CMPK1: variants seen among roughly 807,000 people sequenced by gnomAD.
CMPK1 encodes UMP-CMP kinase.
CMPK1 carries 10 observed loss-of-function variants against 25.7 expected under a neutral mutation model. That is an observed-to-expected ratio of 0.39 (90% CI 0.24 to 0.66). The LOEUF is 0.66. Among genes scored for constraint, CMPK1 ranks in the 30% least tolerant of loss-of-function variants. The pLI is 0.48. For synonymous variants in CMPK1, 106 were observed against 101.5 expected, an observed-to-expected ratio of 1.04 and a Z score of -0.27; for missense variants, 199 against 280.5, an observed-to-expected ratio of 0.71 and a Z score of 2.08.
chr1:47,334,281 G>T (rs1172025732), intron 1 of CMPK1, among the ~76,000 whole-genome samples, 165 bp downstream of exon 1: 2 of 151,746 alleles, frequency 1.3e-5, no homozygotes, highest in African/African-American at 4.8e-5. Flanking sequence ...GCCGGCGCGC[G>T]GCGTGCCGGG....
At chr1:47,375,515 C>T (rs1646702413) in intron 5 of CMPK1, among the ~76,000 whole-genome samples, 1 of 151,712 alleles carries the variant, frequency 6.6e-6, no homozygotes, top group Non-Finnish European at 1.5e-5. Flanking sequence ...AAAGAAGACA[C>T]TGGGGACTAA....
intron 1 of CMPK1, among the ~76,000 whole-genome samples, chr1:47,359,515 G>A (rs1330815630): frequency 6.7e-6 from 1 of 148,736 alleles, no homozygotes; most frequent in Non-Finnish European, 1.5e-5. Context: ...AGCCTCCTGA[G>A]TAGCTGGGAT....
chr1:47,342,858 C>G (rs1300244994), intron 1 of CMPK1, among the ~76,000 whole-genome samples: 1 of 151,604 alleles, frequency 6.6e-6, no homozygotes, highest in East Asian at 1.9e-4. Flanking sequence ...CCATGTTGGC[C>G]AGGTTGGTCT....
Position 47,334,439 on chromosome 1 carries a change from C to T in CMPK1, c.171+323C>T, listed in dbSNP as rs181114398. Among the ~76,000 whole-genome samples the T allele has an allele frequency of 4.7e-3, 714 of 152,322 alleles. 2 individuals carry two copies. The highest frequency in any genetic ancestry group is 8.0e-3 in the Non-Finnish European group (542 of 68,024). ...CCGGAGGCCAACCTTTGGGGGTCCC[C>T]CAGCGCGCAGAGGTTAGCGTGTCGC... On this transcript the variant is annotated intron_variant, in intron 1 of 5. Coordinates refer to ENST00000371873, the MANE Select transcript of CMPK1 (RefSeq NM_016308.3).
chr1:47,375,520 G>A (rs1472474381), intron 5 of CMPK1, among the ~76,000 whole-genome samples: 1 of 152,006 alleles, frequency 6.6e-6, no homozygotes, highest in Non-Finnish European at 1.5e-5. Context: ...AGACACTGGG[G>A]ACTAAATGAA....
chr1:47,353,250 T>A (rs1367891043), intron 1 of CMPK1, among the ~76,000 whole-genome samples: 1 of 152,220 alleles, frequency 6.6e-6, no homozygotes, highest in Non-Finnish European at 1.5e-5. Context: ...GAAATATGTT[T>A]CCTTTTAAAC....
intron 2 of CMPK1, among the ~76,000 whole-genome samples, chr1:47,369,258 G>A (rs1368922218): frequency 6.6e-6 from 1 of 151,840 alleles, no homozygotes; most frequent in Non-Finnish European, 1.5e-5. Flanking sequence ...CTCTCACCTC[G>A]GCCTCCCAAA....
chr1:47,368,052 C>T (rs932452895), intron 1 of CMPK1, among the ~76,000 whole-genome samples: 4 of 152,104 alleles, frequency 2.6e-5, no homozygotes, highest in African/African-American at 7.2e-5. Context: ...CGGGTTCAAG[C>T]GATTCTCCTG....
At position 47,348,804 on chromosome 1, in the gene CMPK1, C is replaced by T. The variant is rs138785127; in HGVS notation, c.171+14688C>T. On this transcript the variant is annotated intron_variant, in intron 1 of 5. Coordinates refer to ENST00000371873, the MANE Select transcript of CMPK1 (RefSeq NM_016308.3). ...GAAAATGTTACATGTTTAATTTAAC[C>T]CACAAGCTTTACCTGTATAATTATG... is the stretch of plus-strand genomic sequence containing the variant. Among the ~76,000 whole-genome samples the T allele has an allele frequency of 6.6e-3, 1,004 of 152,232 alleles. 13 individuals are homozygous for T. Among genetic ancestry groups the T allele is most frequent in the African/African-American group, 0.023 (938 of 41,530 alleles).
At chr1:47,365,260 AC>A (rs1646631078) in intron 1 of CMPK1, among the ~76,000 whole-genome samples, 1 of 132,626 alleles carries the variant, frequency 7.5e-6, no homozygotes, top group Non-Finnish European at 1.6e-5. Context: ...CATCATTTGT[AC>A]CCTGAAGATC....
chr1:47,365,504 T>G (rs1251429978), intron 1 of CMPK1, among the ~76,000 whole-genome samples: 1 of 151,706 alleles, frequency 6.6e-6, no homozygotes, highest in Non-Finnish European at 1.5e-5. Flanking sequence ...TGCAGTGGCA[T>G]GTACCACTAG....
In CMPK1 at chr1:47,369,909, C is replaced by CTCTTT. The variant is rs1485648990; in HGVS notation, c.318+1295_318+1296insCTTTT. 7.8e-4 allele frequency among the ~76,000 whole-genome samples: 73 copies of CTCTTT among 93,690 alleles called. 3 individuals are homozygous for CTCTTT. Among genetic ancestry groups the CTCTTT allele is most frequent in the African/African-American group, 2.3e-3 (56 of 24,100 alleles). The allele number at this position is 93,690 out of a possible 152,430, so 61.5% of individuals were successfully genotyped here. A position where few individuals can be genotyped will look rare whatever the true frequency, so the allele number is the denominator to read the frequency against. On this transcript the variant is annotated intron_variant, in intron 2 of 5. Coordinates refer to ENST00000371873, the MANE Select transcript of CMPK1 (RefSeq NM_016308.3). ...ACCTCTTTCTTTCTTCTTTCTCTCTCTTTTTTTTTTTTTTTTTGGCGGGGA... is the reference window on the plus strand; with the variant it reads ...ACCTCTTTCTTTCTTCTTTCTCTCTCTCTTTTTTTTTTTTTTTTTTTTGGCGGGGA...
At position 47,368,626 on chromosome 1, in the gene CMPK1, T is replaced by A; in HGVS notation, c.318+11T>A. 6.4e-7 allele frequency: 1 copy of A among 1,571,700 alleles called. No homozygotes were observed. Among genetic ancestry groups the A allele is most frequent in the Non-Finnish European group, 8.6e-7 (1 of 1,159,690 alleles). ...AGTTTATTAAAGAGGGTAAGGAGTG[T>A]GAATGCCAACCAGTTCAAACCAGCG... On this transcript the variant is annotated intron_variant, in intron 2 of 5. Coordinates refer to ENST00000371873, the MANE Select transcript of CMPK1 (RefSeq NM_016308.3).
chr1:47,378,476 T>G lies in CMPK1; in HGVS notation c.*1731T>G, dbSNP rs1171851736. 6.6e-6 allele frequency: 1 copy of G among 152,174 alleles called. No individual in the cohort carries two copies. Among genetic ancestry groups the G allele is most frequent in the African/African-American group, 2.4e-5 (1 of 41,432 alleles). 9.4% of individuals were successfully genotyped at this position (152,174 alleles called of 1,614,324 possible). ...TGAGATTGTGAAAGCAACCTTAAAGTTTTGAAGAAGACTGATGAGACTAGG... is the reference window on the plus strand; with the variant it reads ...TGAGATTGTGAAAGCAACCTTAAAGGTTTGAAGAAGACTGATGAGACTAGG... On this transcript the variant is annotated 3_prime_UTR_variant, in exon 6 of 6. Transcript: ENST00000371873.
chr1:47,373,393 T>C (rs1223471490), intron 3 of CMPK1: 5 of 211,826 alleles, frequency 2.4e-5, no homozygotes, highest in Non-Finnish European at 4.6e-5. Flanking sequence ...GTAATGAAGC[T>C]GAACTACTTT....
intron 1 of CMPK1, among the ~76,000 whole-genome samples, chr1:47,357,721 G>A (rs1319624459): frequency 1.3e-5 from 2 of 151,996 alleles, no homozygotes; most frequent in Non-Finnish European, 2.9e-5. Flanking sequence ...CTAACCTCAG[G>A]TGATCCACCT....
intron 1 of CMPK1, among the ~76,000 whole-genome samples, chr1:47,363,687 G>A (rs1167780521): frequency 6.6e-6 from 1 of 151,834 alleles, no homozygotes; most frequent in African/African-American, 2.4e-5. Context: ...GCTCACGCTT[G>A]TAATCCCAAC....
chr1:47,368,547 C>A lies in CMPK1; in HGVS notation c.250C>A (p.Leu84Ile). 1 of 1,612,648 alleles carries A rather than the reference C, an allele frequency of 6.2e-7. No individual in the cohort carries two copies. Among genetic ancestry groups the A allele is most frequent in the Non-Finnish European group, 8.5e-7 (1 of 1,179,188 alleles). The change falls in exon 2 of 6, where the codon CTT (leucine) becomes ATT (isoleucine). Residue 84 changes from leucine to isoleucine, a missense_variant. By Grantham distance (5) the Leu-to-Ile change is conservative. This residue lies in a region of CMPK1 where 140 missense variants were observed against 235.5 expected (regional missense o/e 0.59). Coordinates refer to ENST00000371873, the MANE Select transcript of CMPK1 (RefSeq NM_016308.3). ...GAACCCAGATTCACAGTATGGTGAA[C>A]TTATTGAAAAGTACATTAAAGAAGG... Reference protein sequence around the residue: ...RKNPDSQYGELIEKYIKEGKI... With the variant: ...RKNPDSQYGEIIEKYIKEGKI...
Position 47,377,521 on chromosome 1 carries a change from C to T in CMPK1, c.*776C>T, listed in dbSNP as rs955213110. On this transcript the variant is annotated 3_prime_UTR_variant, in exon 6 of 6. Transcript: ENST00000371873. ...CAGCTGATCTTAACAAAATTCGTAG[C>T]AGTGGAACCTTGAAATGCATGTGGC... The T allele has an allele frequency of 1.3e-5, 2 of 152,336 alleles. No homozygotes were observed. 9.4% of individuals were successfully genotyped at this position (152,336 alleles called of 1,614,324 possible).
Sources: allele counts gnomAD v4.1 joint callset (sites outside exome capture counted in the v4.1 genomes callset), GRCh38; gene constraint gnomAD v4.1.1; regional missense constraint gnomAD v4.1.1; transcripts MANE v1.5; gene names NCBI Gene and HGNC (gene_info 2026-07-23, HGNC 2026-07-21).